IDS: variants seen among roughly 807,000 people sequenced by gnomAD.
The protein encoded by IDS is iduronate 2-sulfatase.
A neutral mutation model predicts 33.5 loss-of-function variants in IDS; 1 was observed. The observed-to-expected ratio is 0.03, with a 90% confidence interval of 0.01 to 0.14. The LOEUF (loss-of-function observed/expected upper bound fraction) is 0.14, where lower values mean the gene tolerates loss of function less well. Among genes scored for constraint, IDS ranks in the 10% least tolerant of loss-of-function variants. The pLI, the probability that IDS is intolerant of heterozygous loss-of-function variation, is 1.00. For missense variants in IDS, 328 were observed against 448.0 expected (o/e 0.73, Z 2.42); for synonymous variants, 191 against 184.4 (o/e 1.04, Z -0.29).
At position 149,505,241 on chromosome X, in the gene IDS, C is replaced by T; in HGVS notation, c.-104G>A. ...CACAGAGACCTCCTCGTCGGGAACC[C>T]ATGAAGACTGCGCAACACAGCCGCC... is the stretch of plus-strand genomic sequence containing the variant. On this transcript the variant is annotated 5_prime_UTR_variant, in exon 1 of 9. An upstream start codon of the reference 5' UTR is lost. Transcript: ENST00000340855. The T allele has an allele frequency of 1.9e-6, 1 of 518,704 alleles. No individual in the cohort carries two copies. The highest frequency in any genetic ancestry group is 4.8e-5 in the South Asian group (1 of 20,727). 42.7% of individuals were successfully genotyped at this position (518,704 alleles called of 1,213,427 possible).
Position 149,480,424 on chromosome X carries a change from C to T in IDS, c.*2322G>A. On this transcript the variant is annotated 3_prime_UTR_variant, in exon 9 of 9. Transcript: ENST00000340855. ...GTGGGGCAAATGCAGGATAAAGAAA[C>T]AGCTCATAAGAGGCACTTGCCAACA... The T allele has an allele frequency of 3.4e-6, 1 of 297,704 alleles. No homozygotes were observed. Among genetic ancestry groups the T allele is most frequent in the Non-Finnish European group, 5.9e-6 (1 of 170,373 alleles). 24.5% of individuals were successfully genotyped at this position (297,704 alleles called of 1,213,427 possible).
In IDS at chrX:149,504,145, T is replaced by C. The variant is rs2089503473; in HGVS notation, c.240+12A>G. The C allele has an allele frequency of 2.5e-6, 3 of 1,202,617 alleles. No individual in the cohort carries two copies. The highest frequency in any genetic ancestry group is 1.8e-5 in the African/African-American group (1 of 57,114). On this transcript the variant is annotated intron_variant, in intron 2 of 8. Coordinates refer to ENST00000340855, the MANE Select transcript of IDS (RefSeq NM_000202.8). Reference sequence around the variant, plus strand: ...GCAGCACACACCCACAGCTAGAGGTTCCCAGACATACCTGCGCAAAGGCAT... The same window carrying C: ...GCAGCACACACCCACAGCTAGAGGTCCCCAGACATACCTGCGCAAAGGCAT...
In IDS at chrX:149,505,298, A is replaced by G. The variant is rs1410766720; in HGVS notation, c.-161T>C. The G allele has an allele frequency of 1.9e-5, 6 of 309,653 alleles. No homozygotes were observed. The highest frequency in any genetic ancestry group is 1.7e-4 in the African/African-American group (6 of 36,180). The allele number at this position is 309,653 out of a possible 1,213,427, so 25.5% of individuals were successfully genotyped here. A position where few individuals can be genotyped will look rare whatever the true frequency, so the allele number is the denominator to read the frequency against. ...GCCCGCAGGCCCGGGCGCTGGCCGC[A>G]GCGCGAGTGCGTCCGTGCGACTCTT... On this transcript the variant is annotated 5_prime_UTR_variant, in exon 1 of 9. Coordinates refer to ENST00000340855, the MANE Select transcript of IDS (RefSeq NM_000202.8).
In IDS at chrX:149,483,058, C is replaced by CAAG; in HGVS notation, c.1338_1340dup (p.Asp446_Leu447insPhe). On this transcript the variant is annotated inframe_insertion, in exon 9 of 9. Coordinates refer to ENST00000340855, the MANE Select transcript of IDS (RefSeq NM_000202.8). Reference sequence around the variant, plus strand: ...TACCAGGGAGGTACGGATCCTCTTCCAAGTCACGGAATCGAAAATGCTTCA... The same window carrying CAAG: ...TACCAGGGAGGTACGGATCCTCTTCCAAGAAGTCACGGAATCGAAAATGCTTCA... 3.3e-6 allele frequency: 4 copies of CAAG among 1,207,512 alleles called. No individual in the cohort carries two copies. The highest frequency in any genetic ancestry group is 4.5e-6 in the Non-Finnish European group (4 of 892,325).
At chrX:149,483,649 A>G (rs782766974) in intron 8 of IDS, among the ~76,000 whole-genome samples, 1 of 112,409 alleles carries the variant, frequency 8.9e-6, no homozygotes, top group Non-Finnish European at 1.9e-5. Context: ...ACGATCAAAT[A>G]CACACACCAT....
intron 6 of IDS, 109 bp downstream of exon 6, chrX:149,496,236 AG>A (rs2089435163): frequency 6.6e-6 from 5 of 762,476 alleles, no homozygotes; most frequent in Admixed American, 4.5e-5. Flanking sequence ...ACACAAAGAA[AG>A]CTCTTAATAA....
At chrX:149,498,083 A>G in intron 5 of IDS, 24 bp downstream of exon 5, 1 of 1,165,218 alleles carries the variant, frequency 8.6e-7, no homozygotes, top group African/African-American at 1.8e-5. Context: ...GCTGTGCTGG[A>G]TCAGCCCTCA....
rs370546763 is a variant in IDS at position 149,498,300 on chromosome X, C to T, written c.515G>A (p.Arg172Gln). The T allele has an allele frequency of 1.7e-6, 2 of 1,208,153 alleles. No individual in the cohort carries two copies. Among genetic ancestry groups the T allele is most frequent in the Non-Finnish European group, 2.2e-6 (2 of 892,462 alleles). The change falls in exon 5 of 9, where the codon CGA (arginine) becomes CAA (glutamine). Residue 172 changes from arginine (R) to glutamine (Q), a missense_variant. Physicochemically the swap from Arg to Gln is conservative, Grantham distance 43. Coordinates refer to ENST00000340855, the MANE Select transcript of IDS (RefSeq NM_000202.8). ...SEKYENTKTC[R>Q]GPDGELHANL... ...GGCATGGAGTTCTCCATCTGGCCCT[C>T]GACATGTCTTTCAAAACAAAATAAT... is the stretch of plus-strand genomic sequence containing the variant.
intron 6 of IDS, among the ~76,000 whole-genome samples, chrX:149,493,212 G>T (rs2089408152): frequency 8.9e-6 from 1 of 112,262 alleles, no homozygotes; most frequent in Admixed American, 9.4e-5. Flanking sequence ...GGATATAGTG[G>T]GGGGCCTGGG....
chrX:149,491,758 G>T, intron 6 of IDS: 1 of 678,090 alleles, frequency 1.5e-6, no homozygotes, highest in Non-Finnish European at 2.0e-6. Context: ...AAGGCAATAA[G>T]CAGACAAGGT....
chrX:149,489,851 G>A (rs1020714359), intron 7 of IDS, among the ~76,000 whole-genome samples: 1 of 110,846 alleles, frequency 9.0e-6, no homozygotes, highest in Non-Finnish European at 1.9e-5. Context: ...ACAGCCTTAG[G>A]GGGAGATAAA....
chrX:149,493,997 AGAG>A (rs1557339036), intron 6 of IDS, among the ~76,000 whole-genome samples: 1 of 111,388 alleles, frequency 9.0e-6, no homozygotes, highest in East Asian at 2.8e-4. Context: ...GAAAGGGAGT[AGAG>A]AAGAGGTCAT....
rs1218066593 is a variant in IDS, at chrX:149,477,957, C to A, written c.*4789G>T. 2.7e-5 allele frequency: 3 copies of A among 111,970 alleles called. No individual in the cohort carries two copies. Among genetic ancestry groups the A allele is most frequent in the African/African-American group, 9.8e-5 (3 of 30,730 alleles). The allele number at this position is 111,970 out of a possible 1,213,427, so 9.2% of individuals were successfully genotyped here. ...CTATGCCTAAGGCCCCAAGGGACAC[C>A]CTGGGTTCTACTTTAATCCCAGATC... On this transcript the variant is annotated 3_prime_UTR_variant, in exon 9 of 9. Transcript: ENST00000340855.
At chrX:149,501,759 C>T (rs1466748144) in intron 3 of IDS, among the ~76,000 whole-genome samples, 1 of 110,874 alleles carries the variant, frequency 9.0e-6, no homozygotes, top group East Asian at 2.8e-4. Flanking sequence ...GGCAGAACCT[C>T]GTGAGAAAGC....
intron 7 of IDS, among the ~76,000 whole-genome samples, chrX:149,488,690 G>A (rs1419925529): frequency 5.4e-5 from 6 of 110,448 alleles, no homozygotes; most frequent in South Asian, 3.9e-4. Flanking sequence ...CTGCAAGATC[G>A]TATTGAACAT....
chrX:149,480,523 G>A lies in IDS; in HGVS notation c.*2223C>T, dbSNP rs150166269. ...AAAATCACAGTCCTGCTGTGTTGCC[G>A]AGGCTGGAATACAATGGCACGATCT... On this transcript the variant is annotated 3_prime_UTR_variant, in exon 9 of 9. Coordinates refer to ENST00000340855, the MANE Select transcript of IDS (RefSeq NM_000202.8). The A allele has an allele frequency of 4.2e-3, 1,241 of 294,167 alleles. 14 individuals carry two copies. The highest frequency in any genetic ancestry group is 0.031 in the African/African-American group (1,119 of 36,513). The allele number at this position is 294,167 out of a possible 1,213,427, so 24.2% of individuals were successfully genotyped here.
At chrX:149,489,742 G>A (rs1051057770) in intron 7 of IDS, among the ~76,000 whole-genome samples, 2 of 111,580 alleles carry the variant, frequency 1.8e-5, no homozygotes, top group Non-Finnish European at 3.8e-5. Flanking sequence ...ATGTGAGTGG[G>A]AAACGGGGGG....
Position 149,496,434 on chromosome X carries a change from T to A in IDS, c.791A>T (p.Tyr264Phe). 1 of 1,209,306 alleles carries A rather than the reference T, an allele frequency of 8.3e-7. No individual in the cohort carries two copies. Among genetic ancestry groups the A allele is most frequent in the African/African-American group, 1.7e-5 (1 of 57,775 alleles). The change falls in exon 6 of 9, where the codon TAC becomes TTC. Residue 264 changes from tyrosine (Y) to phenylalanine (F), a missense_variant. By Grantham distance (22) the Tyr-to-Phe change is conservative (BLOSUM62 3). Transcript: ENST00000340855. ...TTGCCTGATGTCCATCCAGGGGTTG[T>A]AGGCCACAGGGGGTAGGCCATCAGG... ...EVPDGLPPVA[Y>F]NPWMDIRQRE...
chrX:149,486,513 C>G (rs781841674), intron 8 of IDS, among the ~76,000 whole-genome samples: 1 of 111,534 alleles, frequency 9.0e-6, no homozygotes, highest in Non-Finnish European at 1.9e-5. Flanking sequence ...ATGTGCCCCC[C>G]ACAAAGAAGG....
Sources: allele counts gnomAD v4.1 joint callset (sites outside exome capture counted in the v4.1 genomes callset), GRCh38; gene constraint gnomAD v4.1.1; transcripts MANE v1.5; gene names NCBI Gene and HGNC (gene_info 2026-07-23, HGNC 2026-07-21).